Variants in IFT140 observed in about 807,000 individuals in gnomAD.
IFT140 encodes the protein intraflagellar transport 140, also known as intraflagellar transport protein 140 homolog.
IFT140 carries 133 observed loss-of-function variants against 164.6 expected under a neutral mutation model. The ratio of observed to expected loss-of-function variants is 0.81; its 90% CI spans 0.70 to 0.93. The LOEUF (loss-of-function observed/expected upper bound fraction) is 0.93. Among genes scored for constraint, IFT140 ranks in the 40% least tolerant of loss-of-function variants. IFT140 has a pLI of 0.00. For missense variants in IFT140, 2,045 were observed against 1,972.3 expected (o/e 1.04, Z -0.70); for synonymous variants, 860 against 817.3 (o/e 1.05, Z -0.89).
rs775384967 is a variant in IFT140 at position 1,510,968 on chromosome 16, C to T, written c.4365G>A (p.Val1455=). 3 of 1,612,116 alleles carry T rather than the reference C, an allele frequency of 1.9e-6. No individual in the cohort carries two copies. Among genetic ancestry groups the T allele is most frequent in the Admixed American group, 1.7e-5 (1 of 59,852 alleles). ...EDARELDEEV[V]EEADDDP is the part of the protein sequence containing the mutation. Reference sequence around the variant, plus strand: ...CTCAGGGGTCGTCATCTGCCTCTTCCACCACCTCCTCGTCCAGCTCCCTGG... The same window carrying T: ...CTCAGGGGTCGTCATCTGCCTCTTCTACCACCTCCTCGTCCAGCTCCCTGG... The change falls in exon 31 of 31, where the codon GTG becomes GTA. Residue 1455 remains valine, a synonymous_variant. Transcript: ENST00000426508.
chr16:1,566,376 A>G, intron 15 of IFT140, 85 bp from the exon 16 acceptor site: 3 of 1,365,886 alleles, frequency 2.2e-6, no homozygotes, highest in South Asian at 1.2e-5. Context: ...GACACAGCAC[A>G]TGTCAAGAGA....
chr16:1,524,468 G>A (rs1395153004), intron 24 of IFT140, 84 bp downstream of exon 24: 5 of 1,538,972 alleles, frequency 3.2e-6, no homozygotes, highest in South Asian at 1.2e-5. Context: ...TCACTGACAC[G>A]ATTCTCTCTG....
At chr16:1,557,730 C>T in intron 19 of IFT140, 1 of 592,868 alleles carries the variant, frequency 1.7e-6, no homozygotes, top group East Asian at 2.8e-5. Context: ...CGAGAGGCTC[C>T]CAGCACCAGA....
chr16:1,526,774 C>T lies in IFT140; in HGVS notation c.2422G>A (p.Ala808Thr). The T allele has an allele frequency of 6.2e-7, 1 of 1,610,028 alleles. No homozygotes were observed. The highest frequency in any genetic ancestry group is 8.5e-7 in the Non-Finnish European group (1 of 1,178,974). The change falls in exon 20 of 31, where the codon GCG (alanine) becomes ACG (threonine). Residue 808 changes from alanine (A) to threonine (T), a missense_variant. Ala to Thr is a moderately conservative substitution (Grantham distance 58, BLOSUM62 0). Coordinates refer to ENST00000426508, the MANE Select transcript of IFT140 (RefSeq NM_014714.4). ...IKSEAVWENM[A>T]RMCVKTQRLD... ...CGCTGGGTCTTCACGCACATGCGCG[C>T]CATGTTCTCCCAGACGGCCTCACTG...
chr16:1,535,226 C>T (rs972135196), intron 19 of IFT140, among the ~76,000 whole-genome samples: 3 of 152,040 alleles, frequency 2.0e-5, no homozygotes, highest in Non-Finnish European at 4.4e-5. Context: ...ACAGGGAGGC[C>T]AGGACGCTCG....
chr16:1,568,262 C>G lies in IFT140; in HGVS notation c.1725G>C (p.Leu575=), dbSNP rs1342937227. 5.6e-6 allele frequency: 9 copies of G among 1,612,708 alleles called. No individual in the cohort carries two copies. Among genetic ancestry groups the G allele is most frequent in the African/African-American group, 1.3e-5 (1 of 74,928 alleles). The change falls in exon 15 of 31, where the codon CTG becomes CTC. Residue 575 remains leucine, a synonymous_variant. Transcript: ENST00000426508. ...LVPGVGGIAS[L]RCSSSGSTIS... ...TGGTGCTCCCGCTGCTGCTGCACCGCAGAGAAGCGATGCCCCCCACCCCAG... is the reference window on the plus strand; with the variant it reads ...TGGTGCTCCCGCTGCTGCTGCACCGGAGAGAAGCGATGCCCCCCACCCCAG...
intron 4 of IFT140, among the ~76,000 whole-genome samples, chr16:1,595,193 G>A (rs1405334495): frequency 2.0e-5 from 3 of 152,214 alleles, no homozygotes; most frequent in Non-Finnish European, 4.4e-5. Context: ...GCTGAGGCAG[G>A]AGAATGGTGT....
intron 19 of IFT140, among the ~76,000 whole-genome samples, chr16:1,527,573 G>C (rs2040746598): frequency 1.3e-5 from 2 of 152,166 alleles, no homozygotes; most frequent in Non-Finnish European, 2.9e-5. Flanking sequence ...CTGCCTCTTA[G>C]GGTTTTTTTG....
intron 3 of IFT140, among the ~76,000 whole-genome samples, chr16:1,605,479 C>T (rs1038441040): frequency 4.6e-5 from 7 of 152,112 alleles, no homozygotes; most frequent in Non-Finnish European, 4.4e-5. Flanking sequence ...GATCTCGGCT[C>T]ACAGCAAGCT....
At chr16:1,602,686 A>C in intron 3 of IFT140, 95 bp from the exon 4 acceptor site, 1 of 1,139,886 alleles carries the variant, frequency 8.8e-7, no homozygotes, top group Non-Finnish European at 1.3e-6. Flanking sequence ...TCACTCCTGT[A>C]ATTACAGCAC....
At chr16:1,525,029 A>T (rs1342525567) in intron 22 of IFT140, 113 bp from the exon 23 acceptor site, 1 of 1,438,720 alleles carries the variant, frequency 7.0e-7, no homozygotes, top group East Asian at 2.4e-5. Flanking sequence ...ACCTGCAAAC[A>T]GGCTGGGCCA....
At chr16:1,518,470 A>G in intron 29 of IFT140, 113 bp from the exon 30 acceptor site, 2 of 1,005,672 alleles carry the variant, frequency 2.0e-6, no homozygotes, top group Non-Finnish European at 2.8e-6. Flanking sequence ...GGCAGGAGGA[A>G]ACTTTCTATG....
In IFT140 at chr16:1,570,203, A is replaced by T. The variant is rs528613909; in HGVS notation, c.1652+1204T>A. Among the ~76,000 whole-genome samples the T allele has an allele frequency of 1.8e-4, 28 of 152,304 alleles. No individual in the cohort carries two copies. The East Asian group carries it at 3.5e-3, about 19-fold the overall frequency. The stretch of plus-strand genomic sequence containing the variant: ...TATTGGAGGATGGTGGTAGAAACCA[A>T]GGTCTGGGCACCAGGTGTGCCTGCT... On this transcript the variant is annotated intron_variant, in intron 14 of 30. Coordinates refer to ENST00000426508, the MANE Select transcript of IFT140 (RefSeq NM_014714.4).
chr16:1,534,560 G>A, intron 19 of IFT140: 1 of 1,601,460 alleles, frequency 6.2e-7, no homozygotes, highest in Non-Finnish European at 8.5e-7. Context: ...TCAAACGTAA[G>A]TCCAATTGTT....
chr16:1,559,839 C>T (rs189698255), intron 18 of IFT140, among the ~76,000 whole-genome samples: 1 of 152,338 alleles, frequency 6.6e-6, no homozygotes, highest in East Asian at 1.9e-4. Context: ...AAAAGGATCT[C>T]AGGAAAACAA....
rs1197245982 is a variant in IFT140, at chr16:1,519,872, G to C, written c.4040+9C>G. ...CCCTGGCCTGTCCCCGCTGGCCCCG[G>C]GGGCACACCTGCGGGCCTGGATGAA... On this transcript the variant is annotated intron_variant, in intron 29 of 30. Coordinates refer to ENST00000426508, the MANE Select transcript of IFT140 (RefSeq NM_014714.4). 6.6e-7 allele frequency: 1 copy of C among 1,525,024 alleles called. No homozygotes were observed. The highest frequency in any genetic ancestry group is 8.8e-7 in the Non-Finnish European group (1 of 1,138,784). 94.5% of individuals were successfully genotyped at this position (1,525,024 alleles called of 1,614,324 possible).
chr16:1,550,006 A>G (rs1365335898), intron 19 of IFT140, among the ~76,000 whole-genome samples: 2 of 151,916 alleles, frequency 1.3e-5, no homozygotes, highest in Non-Finnish European at 2.9e-5. Context: ...GCCCAGGCTG[A>G]GTGCAATGGT....
chr16:1,517,023 T>C (rs1022816865), intron 30 of IFT140, among the ~76,000 whole-genome samples: 1 of 152,028 alleles, frequency 6.6e-6, no homozygotes. Context: ...AGCTAGGGGA[T>C]GGTACTGTAT....
chr16:1,520,053 C>T lies in IFT140; in HGVS notation c.3874-6G>A. On this transcript the variant is annotated splice_polypyrimidine_tract_variant and splice_region_variant and intron_variant, in intron 28 of 30. Transcript: ENST00000426508. The stretch of plus-strand genomic sequence containing the variant: ...TGGTATTCATCAATCTCCACCTGTA[C>T]AGATGAAACCCGTCAAGACCTGCCG... 6.2e-7 allele frequency: 1 copy of T among 1,604,686 alleles called. No homozygotes were observed. The highest frequency in any genetic ancestry group is 8.5e-7 in the Non-Finnish European group (1 of 1,174,526).
Sources: allele counts gnomAD v4.1 joint callset (sites outside exome capture counted in the v4.1 genomes callset), GRCh38; gene constraint gnomAD v4.1.1; transcripts MANE v1.5; gene names NCBI Gene and HGNC (gene_info 2026-07-23, HGNC 2026-07-21).